The following SYT14 variants were observed in gnomAD, a reference collection of about 807,000 sequenced individuals.
SYT14 encodes the protein synaptotagmin 14.
Under a neutral mutation model 74.2 loss-of-function variants are expected in SYT14, and 32 were observed. The ratio of observed to expected loss-of-function variants is 0.43; its 90% CI spans 0.33 to 0.58. SYT14 has a LOEUF of 0.58. SYT14 is among the 20% of genes least tolerant of loss of function. The pLI is 0.05. For synonymous variants in SYT14, 298 were observed against 337.7 expected (o/e 0.88, Z 1.29); for missense variants, 791 against 981.8 (o/e 0.81, Z 2.60).
At chr1:210,085,322 A>G (rs2081701761) in intron 5 of SYT14, among the ~76,000 whole-genome samples, 1 of 152,200 alleles carries the variant, frequency 6.6e-6, no homozygotes, top group African/African-American at 2.4e-5. Flanking sequence ...ATCATCTGAG[A>G]CTAATGACTG....
At chr1:210,070,639 A>G (rs753768430) in intron 5 of SYT14, among the ~76,000 whole-genome samples, 2 of 152,118 alleles carry the variant, frequency 1.3e-5, no homozygotes, top group Non-Finnish European at 2.9e-5. Context: ...GGCACAAAAT[A>G]GGTCTTAAAA....
At chr1:210,129,864 C>T (rs751380015) in intron 7 of SYT14, among the ~76,000 whole-genome samples, 38 of 152,158 alleles carry the variant, frequency 2.5e-4, no homozygotes, top group Non-Finnish European at 4.9e-4. Flanking sequence ...GCTCAGGCTC[C>T]CACTTAGACC....
intron 2 of SYT14, among the ~76,000 whole-genome samples, chr1:209,961,357 A>G (rs577791111): frequency 6.6e-6 from 1 of 152,260 alleles, no homozygotes; most frequent in Admixed American, 6.5e-5. Context: ...TATAGTTCTA[A>G]TTGTCCAGAG....
Position 210,097,737 on chromosome 1 carries a change from T to A in SYT14, c.1585-2275T>A, listed in dbSNP as rs2081991404. Among the ~76,000 whole-genome samples the A allele has an allele frequency of 2.0e-5, 3 of 152,226 alleles. No homozygotes were observed. In the South Asian group the frequency reaches 6.2e-4, roughly 31 times the overall value. ...ATTTTGCTCTAAACCGTAAATTTTT[T>A]AACAGAATAAGAATATGTTTTGATT... On this transcript the variant is annotated intron_variant, in intron 6 of 9. Coordinates refer to ENST00000637265, the Ensembl canonical transcript of SYT14.
At chr1:210,092,983 A>G (rs935840409) in intron 5 of SYT14, among the ~76,000 whole-genome samples, 5 of 152,226 alleles carry the variant, frequency 3.3e-5, no homozygotes, top group Admixed American at 2.0e-4. Flanking sequence ...ATTTTATAAC[A>G]GGTACTTGAG....
At chr1:210,074,307 C>T (rs1339335238) in intron 5 of SYT14, among the ~76,000 whole-genome samples, 1 of 152,072 alleles carries the variant, frequency 6.6e-6, no homozygotes, top group Non-Finnish European at 1.5e-5. Context: ...TACAGATGAG[C>T]AAATAAAATC....
intron 2 of SYT14, among the ~76,000 whole-genome samples, chr1:209,962,761 G>A (rs537907633): frequency 6.6e-6 from 1 of 152,214 alleles, no homozygotes; most frequent in African/African-American, 2.4e-5. Flanking sequence ...GGAGGTCATA[G>A]GAGTACAAGA....
At chr1:210,021,364 G>T (rs2080300031) in intron 5 of SYT14, 110 bp downstream of exon 4, 1 of 999,174 alleles carries the variant, frequency 1.0e-6, no homozygotes, top group Non-Finnish European at 1.5e-6. Flanking sequence ...AGCACATACA[G>T]TACAGTCACA....
intron 7 of SYT14, among the ~76,000 whole-genome samples, chr1:210,105,542 T>C (rs1361622656): frequency 6.6e-6 from 1 of 152,228 alleles, no homozygotes; most frequent in African/African-American, 2.4e-5. Flanking sequence ...TTTGGAGTTC[T>C]CTGTTACTAT....
At chr1:210,084,838 T>A (rs921551247) in intron 5 of SYT14, among the ~76,000 whole-genome samples, 4 of 152,234 alleles carry the variant, frequency 2.6e-5, no homozygotes, top group African/African-American at 7.2e-5. Flanking sequence ...TTTATGATAA[T>A]CTGCCATCAT....
chr1:210,116,281 G>A (rs1186043758), intron 7 of SYT14, among the ~76,000 whole-genome samples: 1 of 152,130 alleles, frequency 6.6e-6, no homozygotes, highest in African/African-American at 2.4e-5. Context: ...TTATCTCTGA[G>A]TTTATTGCCT....
intron 7 of SYT14, among the ~76,000 whole-genome samples, chr1:210,122,931 C>T (rs746038068): frequency 6.6e-6 from 1 of 152,168 alleles, no homozygotes; most frequent in African/African-American, 2.4e-5. Context: ...TTACATCTTA[C>T]TTAAATAATA....
chr1:210,105,960 C>G (rs1254672905), intron 7 of SYT14, among the ~76,000 whole-genome samples: 1 of 152,316 alleles, frequency 6.6e-6, no homozygotes, highest in African/African-American at 2.4e-5. Context: ...CAGATTGCTG[C>G]ACCATGCTTG....
chr1:209,947,826 T>A (rs1242548507), intron 1 of SYT14, among the ~76,000 whole-genome samples: 1 of 152,192 alleles, frequency 6.6e-6, no homozygotes, highest in Non-Finnish European at 1.5e-5. Context: ...TGTGGTAAAC[T>A]TCATTGTCTA....
chr1:210,103,299 C>T (rs1448480117), intron 7 of SYT14, among the ~76,000 whole-genome samples: 1 of 151,932 alleles, frequency 6.6e-6, no homozygotes, highest in Admixed American at 6.6e-5. Context: ...ACCTGTATTC[C>T]CAACACTTTG....
intron 6 of SYT14, 99 bp downstream of exon 5, chr1:210,094,692 T>C (rs1050537821): frequency 2.2e-6 from 3 of 1,366,232 alleles, no homozygotes; most frequent in Admixed American, 3.6e-5. Flanking sequence ...TTATCACTTA[T>C]TCCTTTGTAA....
chr1:210,073,479 A>T (rs571125255), intron 5 of SYT14, among the ~76,000 whole-genome samples: 1 of 152,224 alleles, frequency 6.6e-6, no homozygotes, highest in African/African-American at 2.4e-5. Context: ...GAATGCCTGA[A>T]GTCTTTTAAC....
At chr1:209,981,450 C>CTTTTCT (rs1371990259) in intron 2 of SYT14, among the ~76,000 whole-genome samples, 89 of 99,096 alleles carry the variant, frequency 9.0e-4, no homozygotes, top group Non-Finnish European at 1.5e-3. Flanking sequence ...TTTTTCTTTT[C>CTTTTCT]TTTTTTTTTT....
Position 210,100,490 on chromosome 1 carries a change from C to T in SYT14, c.2034+29C>T, listed in dbSNP as rs780103068. 4 of 1,593,164 alleles carry T rather than the reference C, an allele frequency of 2.5e-6. No individual in the cohort carries two copies. The East Asian group carries it at 6.7e-5, about 27-fold the overall frequency. On this transcript the variant is annotated intron_variant, in intron 7 of 9. Coordinates refer to ENST00000637265, the Ensembl canonical transcript of SYT14. ...AGTATCTCATCAAATGGCCTGAATACAGTTTATGTTCATGGTTTATAGTAT... is the reference window on the plus strand; with the variant it reads ...AGTATCTCATCAAATGGCCTGAATATAGTTTATGTTCATGGTTTATAGTAT...
Sources: gnomAD v4.1 joint callset for allele counts (sites outside exome capture counted in the v4.1 genomes callset) on GRCh38, gnomAD v4.1.1 for gene constraint, MANE v1.5 for transcripts, NCBI Gene and HGNC (gene_info 2026-07-23, HGNC 2026-07-21) for gene names.